PRPF18: variants seen among roughly 807,000 people sequenced by gnomAD.
PRPF18 encodes pre-mRNA-splicing factor 18.
A neutral mutation model predicts 46.5 loss-of-function variants in PRPF18; 38 were observed. The observed-to-expected ratio is 0.82, with a 90% CI of 0.63 to 1.07. PRPF18 has a LOEUF of 1.07. Ranked by LOEUF, PRPF18 falls within the 50% of genes least tolerant of loss-of-function variation. The pLI, the probability that PRPF18 is intolerant of heterozygous loss-of-function variation, is 0.00. For synonymous variants in PRPF18, 152 were observed against 146.7 expected, an observed-to-expected ratio of 1.04 and a Z score of -0.26; for missense variants, 263 against 410.0, an observed-to-expected ratio of 0.64 and a Z score of 3.10.
chr10:13,626,379 AAAAAC>A (rs1457836877), intron 9 of PRPF18, among the ~76,000 whole-genome samples: 1 of 152,242 alleles, frequency 6.6e-6, no homozygotes, highest in South Asian at 2.1e-4. Flanking sequence ...AATGGATTAG[AAAAAC>A]AAAACAAAAA....
intron 9 of PRPF18, among the ~76,000 whole-genome samples, chr10:13,625,343 C>T (rs1367598190): frequency 1.3e-5 from 2 of 151,920 alleles, no homozygotes; most frequent in South Asian, 2.1e-4. Flanking sequence ...TCTTAGGTAA[C>T]GTTGTAGCCA....
intron 9 of PRPF18, among the ~76,000 whole-genome samples, chr10:13,621,908 T>C (rs1274912451): frequency 6.6e-6 from 1 of 152,244 alleles, no homozygotes. Flanking sequence ...GCATATTTCA[T>C]CTATGCTAGC....
chr10:13,590,100 C>G (rs1283380498), intron 1 of PRPF18, among the ~76,000 whole-genome samples: 1 of 138,316 alleles, frequency 7.2e-6, no homozygotes, highest in Non-Finnish European at 1.6e-5. Flanking sequence ...TTGAAATGCA[C>G]CAATCTACAA....
intron 9 of PRPF18, among the ~76,000 whole-genome samples, chr10:13,628,753 A>G (rs1296243487): frequency 2.0e-5 from 3 of 152,154 alleles, no homozygotes; most frequent in Non-Finnish European, 2.9e-5. Flanking sequence ...TAAGTTACGT[A>G]GATTTCAGTA....
intron 3 of PRPF18, among the ~76,000 whole-genome samples, chr10:13,601,085 C>T (rs762158469): frequency 2.6e-5 from 4 of 151,950 alleles, no homozygotes; most frequent in South Asian, 2.1e-4. Flanking sequence ...CTGGCCGCAC[C>T]GTAATATTTA....
Position 13,630,408 on chromosome 10 carries a change from C to A in PRPF18, c.*68C>A. 7.8e-7 allele frequency: 1 copy of A among 1,282,878 alleles called. No individual in the cohort carries two copies. The highest frequency in any genetic ancestry group is 1.3e-5 in the South Asian group (1 of 75,128). 79.5% of individuals were successfully genotyped at this position (1,282,878 alleles called of 1,614,324 possible). A position where few individuals can be genotyped will look rare whatever the true frequency, so the allele number is the denominator to read the frequency against. On this transcript the variant is annotated 3_prime_UTR_variant, in exon 10 of 10. Transcript: ENST00000378572. ...AGCAGGCTGTGGACTTCTGGAATTA[C>A]CAACAGGAATGAGGAAAGAAGAAAA...
At chr10:13,654,617 C>T in the PRPF18 span, 1 of 702,330 alleles carries the variant, frequency 1.4e-6, no homozygotes. Flanking sequence ...CCAGAGGTCA[C>T]CATTTCCAGG....
chr10:13,653,678 T>G, the PRPF18 span: 1 of 152,216 alleles, frequency 6.6e-6, no homozygotes, highest in Non-Finnish European at 1.5e-5. Context: ...AACCAACAGA[T>G]GAGATGTTGA....
Position 13,597,440 on chromosome 10 carries a change from A to G in PRPF18, c.67-18A>G. ...TGCTCAAGGATATATTATTGACATA[A>G]TTTATTTTCTTTAATAGGAAAATAA... is the stretch of plus-strand genomic sequence containing the variant. On this transcript the variant is annotated intron_variant, in intron 1 of 9. Transcript: ENST00000378572. 6.5e-7 allele frequency: 1 copy of G among 1,533,316 alleles called. No homozygotes were observed. Among genetic ancestry groups the G allele is most frequent in the Non-Finnish European group, 8.9e-7 (1 of 1,128,700 alleles). 95.0% of individuals were successfully genotyped at this position (1,533,316 alleles called of 1,614,324 possible).
At chr10:13,601,401 A>G (rs1056785243) in intron 3 of PRPF18, among the ~76,000 whole-genome samples, 1 of 152,234 alleles carries the variant, frequency 6.6e-6, no homozygotes, top group African/African-American at 2.4e-5. Context: ...ATAAAATTTA[A>G]AGATAATCAA....
At chr10:13,594,709 C>T (rs1253899672) in intron 1 of PRPF18, among the ~76,000 whole-genome samples, 1 of 152,162 alleles carries the variant, frequency 6.6e-6, no homozygotes, top group African/African-American at 2.4e-5. Context: ...AGCTATTAAG[C>T]TCCTGGTGGT....
the PRPF18 span, chr10:13,643,388 C>G: frequency 1.3e-5 from 2 of 152,190 alleles, no homozygotes; most frequent in African/African-American, 4.8e-5. Context: ...AATAGTGATG[C>G]AAAGGCTGAG....
At chr10:13,593,069 T>A (rs2079987815) in intron 1 of PRPF18, among the ~76,000 whole-genome samples, 1 of 152,086 alleles carries the variant, frequency 6.6e-6, no homozygotes, top group African/African-American at 2.4e-5. Context: ...CATACGGAAA[T>A]AATAAGCAAC....
chr10:13,653,663 C>T, the PRPF18 span, among the ~76,000 whole-genome samples: 1 of 152,226 alleles, frequency 6.6e-6, no homozygotes, highest in Non-Finnish European at 1.5e-5. Context: ...CTCCTTAACT[C>T]CTCTAACCAA....
At chr10:13,635,697 T>C (rs2080631562), downstream of PRPF18, among the ~76,000 whole-genome samples, 1 of 152,212 alleles carries the variant, frequency 6.6e-6, no homozygotes, top group Admixed American at 6.5e-5. Context: ...TATGTCTTCT[T>C]TTGTGAAGTG....
chr10:13,596,827 C>T (rs556450480), intron 1 of PRPF18, among the ~76,000 whole-genome samples: 5 of 152,142 alleles, frequency 3.3e-5, no homozygotes, highest in East Asian at 3.9e-4. Flanking sequence ...CTCCAGCCCG[C>T]GTGACAGAGA....
At position 13,592,730 on chromosome 10, in the gene PRPF18, G is replaced by A. The variant is rs185402141; in HGVS notation, c.67-4728G>A. 2.4e-3 allele frequency among the ~76,000 whole-genome samples: 366 copies of A among 152,306 alleles called. 11 individuals are homozygous for A. Among genetic ancestry groups the A allele is most frequent in the Non-Finnish European group, 5.1e-4 (35 of 68,032 alleles). ...TGCAAAACCTCGTGTGGAAAACCAG[G>A]CTGCTCTAGAAACTCAATGGGGAGT... On this transcript the variant is annotated intron_variant, in intron 1 of 9. Coordinates refer to ENST00000378572, the MANE Select transcript of PRPF18 (RefSeq NM_003675.4).
intron 9 of PRPF18, among the ~76,000 whole-genome samples, chr10:13,617,927 A>G (rs542455724): frequency 6.6e-6 from 1 of 152,350 alleles, no homozygotes; most frequent in East Asian, 1.9e-4. Flanking sequence ...TGTTTGAGGC[A>G]GACCCAGTGG....
chr10:13,600,383 A>G, intron 3 of PRPF18, 35 bp downstream of exon 3: 1 of 1,475,230 alleles, frequency 6.8e-7, no homozygotes, highest in East Asian at 2.3e-5. Context: ...TGAGAATAAG[A>G]TCTCCACGGT....
Sources: allele counts gnomAD v4.1 joint callset (sites outside exome capture counted in the v4.1 genomes callset), GRCh38; gene constraint gnomAD v4.1.1; transcripts MANE v1.5; gene names NCBI Gene and HGNC (gene_info 2026-07-23, HGNC 2026-07-21).